The following B9D1 variants were observed in gnomAD, a reference collection of about 807,000 sequenced individuals.
B9D1 encodes the protein B9 domain-containing protein 1.
B9D1 carries 20 observed loss-of-function variants against 26.1 expected under a neutral mutation model. That is an observed-to-expected ratio of 0.77 (90% CI 0.54 to 1.12). The LOEUF (loss-of-function observed/expected upper bound fraction) is 1.12. Ranked by LOEUF, B9D1 falls within the 50% of genes most tolerant of loss-of-function variation. The pLI is 0.00. For missense variants in B9D1, 260 were observed against 273.7 expected, an observed-to-expected ratio of 0.95 and a Z score of 0.35; for synonymous variants, 105 against 103.1, an observed-to-expected ratio of 1.02 and a Z score of -0.11.
intron 3 of B9D1, among the ~76,000 whole-genome samples, chr17:19,353,204 G>C (rs1909878809): frequency 6.6e-6 from 1 of 150,990 alleles, no homozygotes; most frequent in Non-Finnish European, 1.5e-5. Flanking sequence ...TTGAACTCCT[G>C]ACCTCGTGAT....
chr17:19,367,526 G>A (rs1296925280), upstream of B9D1, among the ~76,000 whole-genome samples: 1 of 152,084 alleles, frequency 6.6e-6, no homozygotes, highest in Non-Finnish European at 1.5e-5. Context: ...TGGCCAGGCT[G>A]GGCTCAAAGT....
intron 1 of B9D1, among the ~76,000 whole-genome samples, chr17:19,361,936 T>G (rs1041510944): frequency 2.6e-5 from 4 of 152,168 alleles, no homozygotes; most frequent in Admixed American, 6.5e-5. Flanking sequence ...GCACCGACTT[T>G]GGGACATATT....
In B9D1 at chr17:19,359,151, T is replaced by TC. The variant is rs929999594; in HGVS notation, c.132+1168dup. Among the ~76,000 whole-genome samples, 2 of 152,098 alleles carry TC rather than the reference T, an allele frequency of 1.3e-5. No individual in the cohort carries two copies. The highest frequency in any genetic ancestry group is 2.4e-5 in the African/African-American group (1 of 41,404). On this transcript the variant is annotated intron_variant, in intron 2 of 6. Coordinates refer to ENST00000261499, the MANE Select transcript of B9D1 (RefSeq NM_015681.6). The surrounding 1 kb of genome is among the most constrained non-coding windows in gnomAD (Gnocchi z 5.0). ...AACTGGGCTGCCTGCTCTTGCCCTT[T>TC]CCCCCCGAGTCTATCCTTGTCGTAG...
rs1215270304 is a variant in B9D1, at chr17:19,360,241, G to A, written c.132+79C>T. The A allele has an allele frequency of 1.3e-5, 17 of 1,314,706 alleles. No homozygotes were observed. In the Middle Eastern group the frequency reaches 5.9e-4, roughly 46 times the overall value. The allele number at this position is 1,314,706 out of a possible 1,614,324, so 81.4% of individuals were successfully genotyped here. On this transcript the variant is annotated intron_variant, in intron 2 of 6. Transcript: ENST00000261499. ...CTCTACCTCTTAACTTGTTCTGAATGGGGAGGGGAAGGATATGACACCTTC... is the reference window on the plus strand; with the variant it reads ...CTCTACCTCTTAACTTGTTCTGAATAGGGAGGGGAAGGATATGACACCTTC...
chr17:19,361,384 GAA>G (rs1159135690), intron 1 of B9D1, among the ~76,000 whole-genome samples: 2 of 152,134 alleles, frequency 1.3e-5, no homozygotes, highest in Non-Finnish European at 2.9e-5. Context: ...GTGCTGAAGT[GAA>G]AGGTCTGAGA....
upstream of B9D1, chr17:19,362,884 G>T (rs1369828545): frequency 2.0e-6 from 1 of 507,096 alleles, no homozygotes; most frequent in Non-Finnish European, 3.5e-6. Flanking sequence ...TCAGTTGCAC[G>T]CGCAGGGAGT....
chr17:19,363,705 A>G (rs1485401741), upstream of B9D1: 1 of 152,246 alleles, frequency 6.6e-6, no homozygotes, highest in Non-Finnish European at 1.5e-5. Flanking sequence ...GGCTCCGAGC[A>G]GGGACCCCAG....
chr17:19,355,570 C>T (rs970333560), intron 3 of B9D1, among the ~76,000 whole-genome samples: 4 of 151,854 alleles, frequency 2.6e-5, no homozygotes, highest in African/African-American at 9.7e-5. Context: ...TGGCTCACGC[C>T]TGTAATCCCA....
At chr17:19,353,467 T>A (rs959183654) in intron 3 of B9D1, among the ~76,000 whole-genome samples, 1 of 147,280 alleles carries the variant, frequency 6.8e-6, no homozygotes, top group Non-Finnish European at 1.5e-5. Context: ...TGAAACCCCA[T>A]CTCTAATAAA....
intron 3 of B9D1, among the ~76,000 whole-genome samples, chr17:19,349,530 C>T (rs1289974708): frequency 4.0e-5 from 6 of 151,894 alleles, no homozygotes; most frequent in African/African-American, 9.7e-5. Flanking sequence ...GGACTATAGG[C>T]GTGTGCTGCC....
rs747052229 is a variant in B9D1, at chr17:19,362,465, G to C, written c.63+42C>G. On this transcript the variant is annotated intron_variant, in intron 1 of 6. Coordinates refer to ENST00000261499, the MANE Select transcript of B9D1 (RefSeq NM_015681.6). Reference sequence around the variant, plus strand: ...GGGGGTTGCGGGAAGGGCCCCGGGGGACGCTGGGGGGCGGGCCCCGGCGGG... The same window carrying C: ...GGGGGTTGCGGGAAGGGCCCCGGGGCACGCTGGGGGGCGGGCCCCGGCGGG... 2.7e-6 allele frequency: 4 copies of C among 1,483,156 alleles called. No individual in the cohort carries two copies. In the African/African-American group the frequency reaches 5.6e-5, roughly 21 times the overall value. The allele number at this position is 1,483,156 out of a possible 1,614,324, so 91.9% of individuals were successfully genotyped here. A position where few individuals can be genotyped will look rare whatever the true frequency, so the allele number is the denominator to read the frequency against.
In B9D1 at chr17:19,347,623, T is replaced by TC. The variant is rs1437208178; in HGVS notation, c.341+160dup. Among the ~76,000 whole-genome samples, 1 of 152,070 alleles carries TC rather than the reference T, an allele frequency of 6.6e-6. No homozygotes were observed. Among genetic ancestry groups the TC allele is most frequent in the Non-Finnish European group, 1.5e-5 (1 of 68,018 alleles). Reference sequence around the variant, plus strand: ...CTGGCACCACCCATCTGAAAGGTTCTCCTCCCAAATACAGGCTACAACCCC... The same window carrying TC: ...CTGGCACCACCCATCTGAAAGGTTCTCCCTCCCAAATACAGGCTACAACCCC... On this transcript the variant is annotated intron_variant, in intron 4 of 6. Coordinates refer to ENST00000261499, the MANE Select transcript of B9D1 (RefSeq NM_015681.6). This position sits in a 1 kb window ranked among gnomAD's most constrained non-coding sequence, Gnocchi z 4.3.
chr17:19,346,805 C>G (rs1908863499), intron 5 of B9D1: 1 of 880,544 alleles, frequency 1.1e-6, no homozygotes, highest in African/African-American at 1.7e-5. Flanking sequence ...GCCTGGCAGG[C>G]ACTGTTCCCT....
At chr17:19,348,853 G>A (rs1198590122) in intron 3 of B9D1, among the ~76,000 whole-genome samples, 5 of 152,174 alleles carry the variant, frequency 3.3e-5, no homozygotes, top group African/African-American at 1.2e-4. Context: ...GTAAAGGGGC[G>A]TGTTCATGTT....
At position 19,345,576 on chromosome 17, in the gene B9D1, G is replaced by C. The variant is rs564048248; in HGVS notation, c.404+1693C>G. On this transcript the variant is annotated intron_variant, in intron 5 of 6. Transcript: ENST00000261499. ...GTGATGAGGCCACAAGCCAAGGAAGGCTGGGGCCACCAGAAACTGAAAGGG... is the reference window on the plus strand; with the variant it reads ...GTGATGAGGCCACAAGCCAAGGAAGCCTGGGGCCACCAGAAACTGAAAGGG... Among the ~76,000 whole-genome samples, 27 of 152,342 alleles carry C rather than the reference G, an allele frequency of 1.8e-4. No homozygotes were observed. The East Asian group carries it at 3.3e-3, about 19-fold the overall frequency.
intron 1 of B9D1, among the ~76,000 whole-genome samples, chr17:19,376,744 A>G (rs993633352): frequency 6.7e-6 from 1 of 149,812 alleles, no homozygotes; most frequent in Non-Finnish European, 1.5e-5. Flanking sequence ...CCGAGATCGC[A>G]CCACTGCACT....
At chr17:19,368,746 A>G (rs1911725652) in intron 1 of B9D1, among the ~76,000 whole-genome samples, 1 of 152,132 alleles carries the variant, frequency 6.6e-6, no homozygotes, top group Non-Finnish European at 1.5e-5. Flanking sequence ...GAAGTTCAAG[A>G]CCAGCCTGGG....
chr17:19,370,581 G>A lies in B9D1; in HGVS notation c.-298+7278C>T, dbSNP rs1911843018. On this transcript the variant is annotated intron_variant, in intron 1 of 5. Coordinates refer to the B9D1 transcript ENST00000477478. The surrounding 1 kb of genome is among the most constrained non-coding windows in gnomAD (Gnocchi z 5.1). Reference sequence around the variant, plus strand: ...GGCTCTCTTGGGACCATAGAGGACTGCAGCACCAATGGTGGAACTCCAGGC... The same window carrying A: ...GGCTCTCTTGGGACCATAGAGGACTACAGCACCAATGGTGGAACTCCAGGC... Among the ~76,000 whole-genome samples, 1 of 152,208 alleles carries A rather than the reference G, an allele frequency of 6.6e-6. No homozygotes were observed. Among genetic ancestry groups the A allele is most frequent in the African/African-American group, 2.4e-5 (1 of 41,440 alleles).
intron 2 of B9D1, 149 bp from the exon 3 acceptor site, chr17:19,358,100 A>G (rs1910591620): frequency 1.4e-6 from 1 of 694,872 alleles, no homozygotes; most frequent in Non-Finnish European, 2.6e-6. Context: ...GGACTAAGAG[A>G]TGATGGAGTA....
Sources: gnomAD v4.1 joint callset for allele counts (sites outside exome capture counted in the v4.1 genomes callset) on GRCh38, gnomAD v4.1.1 for gene constraint, Gnocchi (gnomAD v3.1) non-coding constraint, MANE v1.5 for transcripts, NCBI Gene and HGNC (gene_info 2026-07-23, HGNC 2026-07-21) for gene names.